The following MTSS1 variants were observed in gnomAD, a reference collection of about 807,000 sequenced individuals.
MTSS1 encodes the protein protein MTSS 1.
In MTSS1, 18 loss-of-function variants were observed where a neutral mutation model predicts 79.0. The ratio of observed to expected loss-of-function variants is 0.23; its 90% CI spans 0.16 to 0.34. The LOEUF (loss-of-function observed/expected upper bound fraction) is 0.34. MTSS1 is among the 10% of genes least tolerant of loss of function. The pLI is 1.00. For missense variants in MTSS1, 815 were observed against 986.2 expected, an observed-to-expected ratio of 0.83 and a Z score of 2.33; for synonymous variants, 341 against 368.6, an observed-to-expected ratio of 0.93 and a Z score of 0.86.
intron 3 of MTSS1, among the ~76,000 whole-genome samples, chr8:124,621,938 C>T (rs1224934986): frequency 1.3e-5 from 2 of 152,054 alleles, no homozygotes; most frequent in Non-Finnish European, 2.9e-5. Context: ...TTGAACCATC[C>T]GTTTCAGGTT....
chr8:124,648,864 C>T lies in MTSS1; in HGVS notation c.208+50662G>A, dbSNP rs188472398. On this transcript the variant is annotated intron_variant, in intron 3 of 13. Transcript: ENST00000518547. ...ATCTTTATCCAATGCCCACTGGGCC[C>T]AGGTCTGCACTCATCGAGTACTATG... Among the ~76,000 whole-genome samples the T allele has an allele frequency of 3.3e-5, 5 of 152,306 alleles. 1 individual carries two copies. The highest frequency in any genetic ancestry group is 1.2e-4 in the African/African-American group (5 of 41,560).
At chr8:124,564,678 G>A (rs1362176151) in intron 9 of MTSS1, 1 of 63,102 alleles carries the variant, frequency 1.6e-5, no homozygotes, top group African/African-American at 4.4e-5. Flanking sequence ...CAATAAAAAG[G>A]TCTCTCTTTC....
chr8:124,662,658 C>T (rs1050400640), intron 3 of MTSS1, among the ~76,000 whole-genome samples: 1 of 151,934 alleles, frequency 6.6e-6, no homozygotes, highest in Admixed American at 6.5e-5. Flanking sequence ...ATTGAAGAGC[C>T]CCTGCTCTAG....
intron 1 of MTSS1, among the ~76,000 whole-genome samples, chr8:124,721,293 C>T (rs1186016023): frequency 6.7e-6 from 1 of 150,364 alleles, no homozygotes; most frequent in Non-Finnish European, 1.5e-5. Flanking sequence ...CAATTTCCAT[C>T]ATCGCAAAAA....
At chr8:124,557,165 G>A (rs145878337) in intron 11 of MTSS1, among the ~76,000 whole-genome samples, 5 of 152,290 alleles carry the variant, frequency 3.3e-5, no homozygotes, top group Non-Finnish European at 5.9e-5. Context: ...TAAAGTCTGC[G>A]TGTACTGTTA....
In MTSS1 at chr8:124,683,687, T is replaced by C. The variant is rs531541607; in HGVS notation, c.208+15839A>G. ...TCAAGACACAGGGCGGGTGGAAACA[T>C]CAGAAACCATCTTACTGACATGGTC... On this transcript the variant is annotated intron_variant, in intron 3 of 13. Coordinates refer to ENST00000518547, the MANE Select transcript of MTSS1 (RefSeq NM_014751.6). The surrounding 1 kb of genome is among the most constrained non-coding windows in gnomAD (Gnocchi z 4.5). Among the ~76,000 whole-genome samples the C allele has an allele frequency of 2.6e-5, 4 of 152,230 alleles. No homozygotes were observed. In the South Asian group the frequency reaches 8.3e-4, roughly 32 times the overall value.
At chr8:124,725,984 CAA>C (rs10708437) in intron 1 of MTSS1, among the ~76,000 whole-genome samples, 10 of 149,182 alleles carry the variant, frequency 6.7e-5, no homozygotes, top group African/African-American at 2.5e-4. Flanking sequence ...ACAAACAAAC[CAA>C]AAAAAAAAAA....
At position 124,553,245 on chromosome 8, in the gene MTSS1, T is replaced by A. The variant is rs769823584; in HGVS notation, c.2015A>T (p.Asn672Ile). The part of the protein sequence containing the change: ...SSMWSGQASV[N>I]PPLPGPKPSI... ...GGGCTTCGGGCCTGGAAGTGGAGGGTTAACGGAAGCTTGGCCGCTCCACAT... is the reference window on the plus strand; with the variant it reads ...GGGCTTCGGGCCTGGAAGTGGAGGGATAACGGAAGCTTGGCCGCTCCACAT... Residue 672 changes from asparagine to isoleucine, a missense_variant, in exon 14 of 14, where the codon AAC becomes ATC. By Grantham distance (149) the Asn-to-Ile change is moderately radical (BLOSUM62 -3). This residue lies in a region of MTSS1 where 590 missense variants were observed against 620.8 expected (regional missense o/e 0.95). Transcript: ENST00000518547. The surrounding 1 kb of genome is among the most constrained non-coding windows in gnomAD (Gnocchi z 6.0). 6.2e-7 allele frequency: 1 copy of A among 1,613,960 alleles called. No homozygotes were observed. The highest frequency in any genetic ancestry group is 8.5e-7 in the Non-Finnish European group (1 of 1,179,990).
chr8:124,566,819 A>C (rs7828897), intron 8 of MTSS1, among the ~76,000 whole-genome samples: 102,361 of 152,088 alleles, frequency 0.67, 34,501 homozygotes, highest in Non-Finnish European at 0.7. Flanking sequence ...CCTCTGCATC[A>C]TTCTCTATAA....
intron 5 of MTSS1, among the ~76,000 whole-genome samples, chr8:124,585,419 CT>C (rs35772173): frequency 0.36 from 53,738 of 147,888 alleles, 10,150 homozygotes; most frequent in Non-Finnish European, 0.45. Context: ...TTTGGGAATA[CT>C]TTTTTTTTTT....
chr8:124,658,675 A>G (rs372826615), intron 3 of MTSS1, among the ~76,000 whole-genome samples: 36 of 152,158 alleles, frequency 2.4e-4, no homozygotes, highest in African/African-American at 8.4e-4. Context: ...GGAGAGACAG[A>G]AGGGGGAGGT....
intron 3 of MTSS1, among the ~76,000 whole-genome samples, chr8:124,606,792 A>G (rs751324398): frequency 4.6e-5 from 7 of 151,958 alleles, no homozygotes; most frequent in Non-Finnish European, 1.0e-4. Flanking sequence ...GTCTGCATCC[A>G]AGGCCATGAG....
chr8:124,685,861 G>A (rs1170333668), intron 3 of MTSS1, among the ~76,000 whole-genome samples: 1 of 152,192 alleles, frequency 6.6e-6, no homozygotes, highest in Non-Finnish European at 1.5e-5. Flanking sequence ...AACAGCGGCA[G>A]AAGTTGGAGA....
intron 3 of MTSS1, among the ~76,000 whole-genome samples, chr8:124,672,878 TACACACACACATGC>T (rs1406344849): frequency 2.0e-5 from 3 of 150,306 alleles, no homozygotes; most frequent in Non-Finnish European, 1.5e-5. Flanking sequence ...CACACATGCA[TACACACACACATGC>T]ACACACACAC....
At chr8:124,649,113 G>C (rs1819510665) in intron 3 of MTSS1, among the ~76,000 whole-genome samples, 1 of 152,244 alleles carries the variant, frequency 6.6e-6, no homozygotes, top group South Asian at 2.1e-4. Context: ...GGCAAACTAT[G>C]GCAGCAGGCC....
chr8:124,703,020 G>A (rs935068267), intron 2 of MTSS1, among the ~76,000 whole-genome samples: 5 of 152,084 alleles, frequency 3.3e-5, no homozygotes, highest in African/African-American at 9.7e-5. Flanking sequence ...GCAGCTTTAC[G>A]GAGGCATAAT....
At chr8:124,718,209 A>G (rs1032766648) in intron 1 of MTSS1, among the ~76,000 whole-genome samples, 5 of 151,814 alleles carry the variant, frequency 3.3e-5, no homozygotes, top group African/African-American at 7.3e-5. Context: ...CGTTACTTAC[A>G]TAATCTTTGA....
intron 10 of MTSS1, chr8:124,558,765 G>A (rs1824592464): frequency 6.3e-7 from 1 of 1,584,786 alleles, no homozygotes; most frequent in Non-Finnish European, 8.5e-7. Context: ...GACAGAGGTG[G>A]GGGAGCTGCA....
intron 3 of MTSS1, among the ~76,000 whole-genome samples, chr8:124,686,487 C>T (rs1290111724): frequency 1.3e-5 from 2 of 152,086 alleles, no homozygotes; most frequent in South Asian, 2.1e-4. Flanking sequence ...CATGGACTGT[C>T]GAATTCCTAA....
Sources: gnomAD v4.1 joint callset for allele counts (sites outside exome capture counted in the v4.1 genomes callset) on GRCh38, gnomAD v4.1.1 for gene constraint, gnomAD v4.1.1 regional missense constraint, Gnocchi (gnomAD v3.1) non-coding constraint, MANE v1.5 for transcripts, NCBI Gene and HGNC (gene_info 2026-07-23, HGNC 2026-07-21) for gene names.